KLF17: variants seen among roughly 807,000 people sequenced by gnomAD.
The protein encoded by KLF17 is Krueppel-like factor 17.
KLF17 carries 31 observed loss-of-function variants against 34.2 expected under a neutral mutation model. The ratio of observed to expected loss-of-function variants is 0.91; its 90% confidence interval spans 0.68 to 1.22. The LOEUF (loss-of-function observed/expected upper bound fraction) is 1.22. KLF17 is among the 50% of genes most tolerant of loss of function. The pLI is 0.00. For missense variants in KLF17, 478 were observed against 505.2 expected, an observed-to-expected ratio of 0.95 and a Z score of 0.52; for synonymous variants, 179 against 186.7, an observed-to-expected ratio of 0.96 and a Z score of 0.34.
At chr1:44,102,867 C>A in the KLF17 span, among the ~76,000 whole-genome samples, 2 of 151,794 alleles carry the variant, frequency 1.3e-5, no homozygotes, top group East Asian at 3.9e-4. Flanking sequence ...AAAAATGTTG[C>A]TTGATATCTT....
chr1:44,109,864 C>T, the KLF17 span, among the ~76,000 whole-genome samples: 1 of 150,300 alleles, frequency 6.7e-6, no homozygotes, highest in South Asian at 2.1e-4. Context: ...TATAATATGA[C>T]CCCCACAGCC....
chr1:44,123,607 G>C (rs2087974840), intron 1 of KLF17, among the ~76,000 whole-genome samples: 2 of 151,930 alleles, frequency 1.3e-5, no homozygotes, highest in African/African-American at 4.8e-5. Context: ...TCTTCTGCTG[G>C]TTTGGGGTTT....
At chr1:44,127,686 C>CT (rs1230038812) in intron 1 of KLF17, among the ~76,000 whole-genome samples, 69 of 40,820 alleles carry the variant, frequency 1.7e-3, no homozygotes, top group African/African-American at 4.7e-3. Context: ...TTCTTTCTTT[C>CT]TTTCTTTTTC....
At chr1:44,093,904 T>A in the KLF17 span, among the ~76,000 whole-genome samples, 1 of 152,240 alleles carries the variant, frequency 6.6e-6, no homozygotes. Context: ...TGTACTGTTT[T>A]CTTCAGAAGT....
At chr1:44,087,172 T>G in the KLF17 span, among the ~76,000 whole-genome samples, 7 of 152,126 alleles carry the variant, frequency 4.6e-5, no homozygotes, top group Non-Finnish European at 1.0e-4. Context: ...GGTGAGGAAG[T>G]GTATTGGTCA....
the KLF17 span, among the ~76,000 whole-genome samples, chr1:44,080,611 A>G: frequency 6.7e-6 from 1 of 149,302 alleles, no homozygotes; most frequent in Non-Finnish European, 1.5e-5. Context: ...CACTATTTTA[A>G]TTTTCTTTAA....
chr1:44,112,663 C>T, the KLF17 span, among the ~76,000 whole-genome samples: 2 of 152,166 alleles, frequency 1.3e-5, no homozygotes, highest in Non-Finnish European at 2.9e-5. Context: ...CCACCTCGGC[C>T]TTGCAAAGTG....
the KLF17 span, among the ~76,000 whole-genome samples, chr1:44,057,082 C>T: frequency 3.9e-5 from 6 of 151,902 alleles, no homozygotes; most frequent in Non-Finnish European, 8.8e-5. Context: ...CCTGCCTAAC[C>T]CTGGTGTTTG....
At chr1:44,107,431 T>C in the KLF17 span, among the ~76,000 whole-genome samples, 42 of 152,240 alleles carry the variant, frequency 2.8e-4, no homozygotes, top group African/African-American at 9.6e-4. Context: ...ATTACAGTAG[T>C]CCCTCCTCCT....
the KLF17 span, among the ~76,000 whole-genome samples, chr1:44,052,814 C>T: frequency 6.6e-6 from 1 of 151,274 alleles, no homozygotes; most frequent in Non-Finnish European, 1.5e-5. Flanking sequence ...TCAAATTAGA[C>T]AAATTGAAAA....
the KLF17 span, chr1:44,045,406 C>T: frequency 6.6e-6 from 1 of 152,554 alleles, no homozygotes; most frequent in African/African-American, 2.4e-5. Flanking sequence ...TGATTCTCCT[C>T]TTCCTCCTCT....
chr1:44,097,971 G>A, the KLF17 span, among the ~76,000 whole-genome samples: 5 of 151,990 alleles, frequency 3.3e-5, no homozygotes, highest in Non-Finnish European at 7.4e-5. Context: ...AATTCCACTT[G>A]ATCATGATGA....
chr1:44,071,603 G>C, the KLF17 span, among the ~76,000 whole-genome samples: 1 of 151,920 alleles, frequency 6.6e-6, no homozygotes, highest in Non-Finnish European at 1.5e-5. Context: ...TTCCTCAAAA[G>C]CTTGAATTTG....
At chr1:44,124,135 T>G (rs2154311516) in intron 1 of KLF17, among the ~76,000 whole-genome samples, 1 of 152,224 alleles carries the variant, frequency 6.6e-6, no homozygotes, top group South Asian at 2.1e-4. Flanking sequence ...CAGCATATAT[T>G]TGGATCATGT....
At chr1:44,065,485 T>C in the KLF17 span, among the ~76,000 whole-genome samples, 18,478 of 146,286 alleles carry the variant, frequency 0.13, 1,369 homozygotes, top group African/African-American at 0.21. Flanking sequence ...TGTAGGCTCA[T>C]TGCAACCTCT....
chr1:44,046,348 G>A, the KLF17 span: 1 of 151,698 alleles, frequency 6.6e-6, no homozygotes, highest in Non-Finnish European at 1.5e-5. Context: ...CTTGCAAGTA[G>A]CTGGGACTAC....
chr1:44,080,934 C>T, the KLF17 span, among the ~76,000 whole-genome samples: 2 of 151,608 alleles, frequency 1.3e-5, no homozygotes, highest in Non-Finnish European at 1.5e-5. Context: ...AACCTGGTCT[C>T]GAACTCCTGG....
chr1:44,059,790 G>A, the KLF17 span, among the ~76,000 whole-genome samples: 1 of 151,864 alleles, frequency 6.6e-6, no homozygotes, highest in Non-Finnish European at 1.5e-5. Context: ...GTGATACTCT[G>A]ATCCAAATCT....
rs2088093860 is a variant in KLF17, at chr1:44,130,439, G to A, written c.926-73G>A. ...CCCTTTTGAATCCTCAACCTGGACT[G>A]CTCTGCCTCACAGAGTTAGACCCCT... On this transcript the variant is annotated intron_variant, in intron 2 of 3. Coordinates refer to ENST00000372299, the MANE Select transcript of KLF17 (RefSeq NM_173484.4). 6.3e-6 allele frequency: 10 copies of A among 1,582,080 alleles called. No individual in the cohort carries two copies. The East Asian group carries it at 2.2e-4, about 35-fold the overall frequency.
Sources: gnomAD v4.1 joint callset for allele counts (sites outside exome capture counted in the v4.1 genomes callset) on GRCh38, gnomAD v4.1.1 for gene constraint, MANE v1.5 for transcripts, NCBI Gene and HGNC (gene_info 2026-07-23, HGNC 2026-07-21) for gene names.